MAST2: variants seen among roughly 807,000 people sequenced by gnomAD.
MAST2 encodes microtubule-associated serine/threonine-protein kinase 2.
A neutral mutation model predicts 147.4 loss-of-function variants in MAST2; 70 were observed. The ratio of observed to expected loss-of-function variants is 0.47; its 90% CI spans 0.39 to 0.58. The LOEUF (loss-of-function observed/expected upper bound fraction) is 0.58. Ranked by LOEUF, MAST2 falls within the 20% of genes least tolerant of loss-of-function variation. MAST2 has a pLI of 0.00. For synonymous variants in MAST2, 869 were observed against 896.8 expected, an observed-to-expected ratio of 0.97 and a Z score of 0.55; for missense variants, 2,080 against 2,302.3, an observed-to-expected ratio of 0.90 and a Z score of 1.98.
chr1:45,979,942 A>G (rs1644331050), intron 5 of MAST2, among the ~76,000 whole-genome samples: 1 of 152,226 alleles, frequency 6.6e-6, no homozygotes, highest in South Asian at 2.1e-4. Flanking sequence ...AAAATACTGC[A>G]TGTTCTCCCT....
At chr1:46,030,028 G>A (rs1206770948) in intron 20 of MAST2, 75 bp downstream of exon 20, 8 of 1,606,052 alleles carry the variant, frequency 5.0e-6, no homozygotes, top group Non-Finnish European at 6.8e-6. Flanking sequence ...CACTGAAATT[G>A]CATTGGGAGC....
At chr1:45,845,773 C>A (rs985534715) in intron 3 of MAST2, among the ~76,000 whole-genome samples, 7 of 152,088 alleles carry the variant, frequency 4.6e-5, no homozygotes, top group Non-Finnish European at 1.0e-4. Context: ...TCCTCTTTTT[C>A]CTTTTTTGAG....
intron 5 of MAST2, among the ~76,000 whole-genome samples, chr1:45,983,376 C>T (rs1644488266): frequency 6.6e-6 from 1 of 152,090 alleles, no homozygotes; most frequent in Admixed American, 6.6e-5. Context: ...ATTCTGATTT[C>T]ATTATCATGG....
chr1:45,871,017 A>G (rs1195047906), intron 3 of MAST2, among the ~76,000 whole-genome samples: 1 of 151,406 alleles, frequency 6.6e-6, no homozygotes, highest in East Asian at 1.9e-4. Context: ...CCTTTATTTC[A>G]GCCTTTTCAT....
chr1:46,031,366 TCTCACTG>T lies in MAST2; in HGVS notation c.2993-22_2993-16del. 1 of 1,596,120 alleles carries T rather than the reference TCTCACTG, an allele frequency of 6.3e-7. No individual in the cohort carries two copies. Among genetic ancestry groups the T allele is most frequent in the Non-Finnish European group, 8.6e-7 (1 of 1,168,078 alleles). ...CAGGGAGGCTCAGCGGCATCGCGGG[TCTCACTG>T]CTTACTTGGGCCTACAGCTATGGAG... On this transcript the variant is annotated intron_variant, in intron 23 of 28. Transcript: ENST00000361297. The surrounding 1 kb of genome is among the most constrained non-coding windows in gnomAD (Gnocchi z 4.1).
At chr1:45,961,365 C>A (rs921303179) in intron 5 of MAST2, among the ~76,000 whole-genome samples, 1 of 152,164 alleles carries the variant, frequency 6.6e-6, no homozygotes, top group African/African-American at 2.4e-5. Context: ...CATGTCTAGA[C>A]CTTGTATATA....
intron 1 of MAST2, among the ~76,000 whole-genome samples, chr1:45,812,179 G>A (rs898693812): frequency 2.6e-5 from 4 of 152,188 alleles, no homozygotes; most frequent in Non-Finnish European, 5.9e-5. Flanking sequence ...GAAATCTTCC[G>A]AGTTTTCAGT....
At chr1:45,939,216 A>ATG (rs1213827412) in intron 4 of MAST2, among the ~76,000 whole-genome samples, 5 of 151,884 alleles carry the variant, frequency 3.3e-5, no homozygotes, top group Non-Finnish European at 5.9e-5. Context: ...ATGAGGTCAA[A>ATG]TGTGTGTGTG....
At chr1:45,989,360 A>G (rs1644771410) in intron 5 of MAST2, among the ~76,000 whole-genome samples, 1 of 152,180 alleles carries the variant, frequency 6.6e-6, no homozygotes, top group South Asian at 2.1e-4. Flanking sequence ...AAACAACTTT[A>G]TCAAGTTGAG....
chr1:46,007,595 A>G (rs975227349), intron 8 of MAST2, among the ~76,000 whole-genome samples: 7 of 152,230 alleles, frequency 4.6e-5, no homozygotes, highest in Admixed American at 2.6e-4. Context: ...TTGTGAACCT[A>G]GAACATCTGG....
chr1:45,910,646 A>G (rs926282971), intron 4 of MAST2, among the ~76,000 whole-genome samples: 2 of 152,250 alleles, frequency 1.3e-5, no homozygotes, highest in Non-Finnish European at 2.9e-5. Flanking sequence ...TGGAACAGGA[A>G]GAAATCAAAT....
rs148277603 is a variant in MAST2, at chr1:45,876,332, A to G, written c.469-6032A>G. On this transcript the variant is annotated intron_variant, in intron 3 of 28. Transcript: ENST00000361297. ...TGAAGGGAAATAAAATTGATAAGGC[A>G]GTATTTGAAGAGGGATGTGTAGTTA... is the stretch of plus-strand genomic sequence containing the variant. Among the ~76,000 whole-genome samples, 15 of 152,330 alleles carry G rather than the reference A, an allele frequency of 9.8e-5. No homozygotes were observed. In the East Asian group the frequency reaches 2.9e-3, roughly 29 times the overall value.
rs1287568957 is a variant in MAST2, at chr1:46,035,352, C to T, written c.4683C>T (p.Ser1561=). The T allele has an allele frequency of 3.1e-6, 5 of 1,613,530 alleles. No homozygotes were observed. The highest frequency in any genetic ancestry group is 1.7e-5 in the Admixed American group (1 of 59,960). The change falls in exon 29 of 29, where the codon AGC becomes AGT. Residue 1561 remains serine, a synonymous_variant. Transcript: ENST00000361297. The surrounding 1 kb of genome is among the most constrained non-coding windows in gnomAD (Gnocchi z 5.5). ...DPRSLGPMVP[S]LLTGITLGPP... Reference sequence around the variant, plus strand: ...GGAGCCTGGGCCCAATGGTCCCAAGCCTATTGACAGGGATCACACTGGGGC... The same window carrying T: ...GGAGCCTGGGCCCAATGGTCCCAAGTCTATTGACAGGGATCACACTGGGGC...
intron 1 of MAST2, among the ~76,000 whole-genome samples, chr1:45,807,764 A>G (rs1222712704): frequency 7.3e-5 from 11 of 151,504 alleles, no homozygotes; most frequent in African/African-American, 2.4e-4. Context: ...CTGATCTCGA[A>G]CTCCTGACCT....
At chr1:45,981,846 CTT>C (rs34353072) in intron 5 of MAST2, among the ~76,000 whole-genome samples, 3 of 141,118 alleles carry the variant, frequency 2.1e-5, no homozygotes, top group Non-Finnish European at 1.5e-5. Context: ...GTAATTTTGG[CTT>C]TTTTTTTTTT....
At chr1:45,900,192 A>AAAAAAAAAAAT in intron 4 of MAST2, among the ~76,000 whole-genome samples, 1 of 120,510 alleles carries the variant, frequency 8.3e-6, no homozygotes, top group Non-Finnish European at 1.7e-5. Flanking sequence ...AAAAAAAAAA[A>AAAAAAAAAAAT]AAAGATTTAC....
rs1174123217 is a variant in MAST2, at chr1:45,939,980, G to GTTT, written c.501-19387_501-19385dup. Among the ~76,000 whole-genome samples, 14 of 97,330 alleles carry GTTT rather than the reference G, an allele frequency of 1.4e-4. 1 individual carries two copies. Among genetic ancestry groups the GTTT allele is most frequent in the African/African-American group, 4.3e-4 (11 of 25,560 alleles). The allele number at this position is 97,330 out of a possible 152,430, so 63.9% of individuals were successfully genotyped here. ...AACGGAAGTTCTCTATTTATTTAGG[G>GTTT]TTTTTTTTTTTTTTTTTTTTTGAGA... is the stretch of plus-strand genomic sequence containing the variant. On this transcript the variant is annotated intron_variant, in intron 4 of 28. Transcript: ENST00000361297.
At chr1:45,944,442 C>A (rs904971595) in intron 4 of MAST2, among the ~76,000 whole-genome samples, 8 of 152,058 alleles carry the variant, frequency 5.3e-5, no homozygotes, top group Non-Finnish European at 8.8e-5. Flanking sequence ...AATATTATTT[C>A]TAATAAAGTC....
intron 3 of MAST2, among the ~76,000 whole-genome samples, chr1:45,851,605 A>G (rs1292502480): frequency 1.3e-5 from 2 of 152,094 alleles, no homozygotes; most frequent in East Asian, 1.9e-4. Context: ...TGGATTTGTC[A>G]TAGGTGGCTT....
Sources: allele counts gnomAD v4.1 joint callset (sites outside exome capture counted in the v4.1 genomes callset), GRCh38; gene constraint gnomAD v4.1.1; non-coding constraint Gnocchi (gnomAD v3.1); transcripts MANE v1.5; gene names NCBI Gene and HGNC (gene_info 2026-07-23, HGNC 2026-07-21).